The following GPR149 variants were observed in gnomAD, a reference collection of about 807,000 sequenced individuals.
GPR149 encodes the protein probable G protein-coupled receptor 149.
A neutral mutation model predicts 50.2 loss-of-function variants in GPR149; 50 were observed. That is an observed-to-expected ratio of 1.00 (90% CI 0.79 to 1.26). The LOEUF (loss-of-function observed/expected upper bound fraction) is 1.26, where lower values mean the gene tolerates loss of function less well. GPR149 is among the 50% of genes most tolerant of loss of function. The probability of loss-of-function intolerance (pLI) is 0.00; values close to 1 mark genes in which losing one functional copy is unlikely to be tolerated. For synonymous variants in GPR149, 405 were observed against 358.2 expected (o/e 1.13, Z -1.48); for missense variants, 983 against 895.4 (o/e 1.10, Z -1.25).
intron 3 of GPR149, among the ~76,000 whole-genome samples, chr3:154,413,768 T>A (rs1170613831): frequency 6.6e-6 from 1 of 151,752 alleles, no homozygotes; most frequent in Non-Finnish European, 1.5e-5. Flanking sequence ...GAACTAAAAG[T>A]GATATACCAT....
intron 3 of GPR149, among the ~76,000 whole-genome samples, chr3:154,390,412 G>A (rs778269370): frequency 6.6e-6 from 1 of 151,868 alleles, no homozygotes; most frequent in Non-Finnish European, 1.5e-5. Flanking sequence ...TAGAGATGAA[G>A]AGTAAATAAC....
At position 154,358,226 on chromosome 3, in the gene GPR149, C is replaced by T. The variant is rs149355710; in HGVS notation, c.1624-19955G>A. Among the ~76,000 whole-genome samples the T allele has an allele frequency of 7.3e-3, 1,108 of 152,052 alleles. 12 individuals carry two copies. Among genetic ancestry groups the T allele is most frequent in the African/African-American group, 0.026 (1,070 of 41,460 alleles). ...TAATGGGTGCAGCACACCAACATGT[C>T]ACATGTATACATATGTAACTAACCT... is the stretch of plus-strand genomic sequence containing the variant. On this transcript the variant is annotated intron_variant, in intron 3 of 3. Coordinates refer to ENST00000389740, the MANE Select transcript of GPR149 (RefSeq NM_001038705.3).
Position 154,428,817 on chromosome 3 carries a change from A to T in GPR149, c.799T>A (p.Cys267Ser), listed in dbSNP as rs367595120. Reference sequence around the variant, plus strand: ...AACACGGTGTCGGAGCTCGGAGAGCATCCCCCAGAGCGCCGCAGACTCGGG... The same window carrying T: ...AACACGGTGTCGGAGCTCGGAGAGCTTCCCCCAGAGCGCCGCAGACTCGGG... Reference protein sequence around the residue: ...PGPSLRRSGGCSPSSDTVFGP... With the variant: ...PGPSLRRSGGSSPSSDTVFGP... Residue 267 changes from cysteine to serine, a missense_variant, in exon 1 of 4, where the codon TGC becomes AGC. Physicochemically the swap from Cys to Ser is moderately radical, Grantham distance 112. Transcript: ENST00000389740. The T allele has an allele frequency of 8.4e-5, 136 of 1,613,720 alleles. No individual in the cohort carries two copies. Among genetic ancestry groups the T allele is most frequent in the Non-Finnish European group, 1.1e-4 (127 of 1,179,974 alleles).
At chr3:154,361,487 T>A (rs904618630) in intron 3 of GPR149, among the ~76,000 whole-genome samples, 14 of 152,200 alleles carry the variant, frequency 9.2e-5, no homozygotes, top group Non-Finnish European at 2.1e-4. Context: ...GCATTTAAAT[T>A]TTTTCTCAGT....
chr3:154,358,468 C>G (rs1298013342), intron 3 of GPR149, among the ~76,000 whole-genome samples: 1 of 151,892 alleles, frequency 6.6e-6, no homozygotes, highest in East Asian at 1.9e-4. Flanking sequence ...ATTAAAATCA[C>G]CAAACCTTTA....
At chr3:154,399,633 G>C (rs1315664305) in intron 3 of GPR149, among the ~76,000 whole-genome samples, 2 of 152,140 alleles carry the variant, frequency 1.3e-5, no homozygotes, top group Non-Finnish European at 2.9e-5. Context: ...GCGTTTTCAG[G>C]CCTGTTAGCA....
At chr3:154,345,092 A>G (rs966339523) in intron 3 of GPR149, among the ~76,000 whole-genome samples, 2 of 152,296 alleles carry the variant, frequency 1.3e-5, no homozygotes, top group Non-Finnish European at 2.9e-5. Flanking sequence ...CTTCTCTGCT[A>G]CCTATAACAG....
Position 154,391,332 on chromosome 3 carries a change from A to G in GPR149, c.1623+29707T>C, listed in dbSNP as rs931744102. 2.0e-4 allele frequency among the ~76,000 whole-genome samples: 31 copies of G among 151,996 alleles called. No homozygotes were observed. In the East Asian group the frequency reaches 3.7e-3, roughly 18 times the overall value. On this transcript the variant is annotated intron_variant, in intron 3 of 3. Coordinates refer to ENST00000389740, the MANE Select transcript of GPR149 (RefSeq NM_001038705.3). ...TGGGGGGTTTGTGGGGGGAGAAGTA[A>G]AAGTGTAGCTTTTGTATGCAACTGA...
intron 3 of GPR149, among the ~76,000 whole-genome samples, chr3:154,404,926 G>C (rs867159933): frequency 9.2e-5 from 14 of 152,124 alleles, no homozygotes; most frequent in African/African-American, 2.4e-5. Context: ...AGTGAGAGCT[G>C]TCATCTTTCT....
At chr3:154,413,925 T>C (rs542629929) in intron 3 of GPR149, among the ~76,000 whole-genome samples, 107 of 137,200 alleles carry the variant, frequency 7.8e-4, no homozygotes, top group African/African-American at 2.8e-3. Flanking sequence ...AATCAACGAG[T>C]TGATAAAGAA....
intron 3 of GPR149, among the ~76,000 whole-genome samples, chr3:154,354,522 C>T (rs1007720480): frequency 6.6e-6 from 1 of 152,082 alleles, no homozygotes; most frequent in Admixed American, 6.6e-5. Context: ...GTGCATTTTC[C>T]AGCACCCTGT....
chr3:154,344,951 A>T (rs1713887837), intron 3 of GPR149, among the ~76,000 whole-genome samples: 1 of 152,250 alleles, frequency 6.6e-6, no homozygotes, highest in Non-Finnish European at 1.5e-5. Flanking sequence ...CATTTCGAAA[A>T]AAACTTATTT....
chr3:154,358,203 A>G (rs1261634117), intron 3 of GPR149, among the ~76,000 whole-genome samples: 1 of 152,174 alleles, frequency 6.6e-6, no homozygotes, highest in Non-Finnish European at 1.5e-5. Context: ...TGACGAGTTA[A>G]TGGGTGCAGC....
chr3:154,406,454 A>G (rs1269968579), intron 3 of GPR149, among the ~76,000 whole-genome samples: 2 of 152,192 alleles, frequency 1.3e-5, no homozygotes, highest in African/African-American at 4.8e-5. Flanking sequence ...GCAAATACAT[A>G]CATACAAGGT....
At chr3:154,381,772 C>G (rs1002520852) in intron 3 of GPR149, among the ~76,000 whole-genome samples, 4 of 151,968 alleles carry the variant, frequency 2.6e-5, no homozygotes, top group African/African-American at 9.7e-5. Context: ...TATGAAAGAC[C>G]AGGAAAGCCT....
Position 154,378,081 on chromosome 3 carries a change from C to A in GPR149, c.1624-39810G>T, listed in dbSNP as rs199824537. On this transcript the variant is annotated intron_variant, in intron 3 of 3. Coordinates refer to ENST00000389740, the MANE Select transcript of GPR149 (RefSeq NM_001038705.3). ...AGGATCTCATTATATTGATATATCCCCCCCCCCTTTTTTTTTTTTTGAGAT... is the reference window on the plus strand; with the variant it reads ...AGGATCTCATTATATTGATATATCCACCCCCCCTTTTTTTTTTTTTGAGAT... Among the ~76,000 whole-genome samples, 503 of 70,220 alleles carry A rather than the reference C, an allele frequency of 7.2e-3. 26 individuals are homozygous for A. The East Asian group carries it at 0.19, about 27-fold the overall frequency. The allele number at this position is 70,220 out of a possible 152,430, so 46.1% of individuals were successfully genotyped here.
intron 3 of GPR149, among the ~76,000 whole-genome samples, chr3:154,340,547 C>T (rs1713767081): frequency 1.3e-5 from 2 of 152,062 alleles, no homozygotes; most frequent in African/African-American, 4.8e-5. Flanking sequence ...TCTTAAGACC[C>T]CACAGATGAT....
At chr3:154,356,222 G>A (rs1487583580) in intron 3 of GPR149, among the ~76,000 whole-genome samples, 4 of 152,070 alleles carry the variant, frequency 2.6e-5, no homozygotes, top group African/African-American at 7.2e-5. Context: ...CCATTTTCAC[G>A]CTGCTATGAA....
chr3:154,337,677 C>T lies in GPR149; in HGVS notation c.*22G>A. ...AGTTGACGTTGCAGATCCATTCTTG[C>T]TCCTGTTAGACCAAATACCCACTAA... On this transcript the variant is annotated 3_prime_UTR_variant, in exon 4 of 4. Transcript: ENST00000389740. 6 of 1,523,998 alleles carry T rather than the reference C, an allele frequency of 3.9e-6. No individual in the cohort carries two copies. Among genetic ancestry groups the T allele is most frequent in the Non-Finnish European group, 5.3e-6 (6 of 1,130,318 alleles). The allele number at this position is 1,523,998 out of a possible 1,614,324, so 94.4% of individuals were successfully genotyped here.
Sources: allele counts gnomAD v4.1 joint callset (sites outside exome capture counted in the v4.1 genomes callset), GRCh38; gene constraint gnomAD v4.1.1; transcripts MANE v1.5; gene names NCBI Gene and HGNC (gene_info 2026-07-23, HGNC 2026-07-21).